The following STX18 variants were observed in gnomAD, a reference collection of about 807,000 sequenced individuals.
STX18 encodes the protein syntaxin-18.
In STX18, 40 loss-of-function variants were observed where a neutral mutation model predicts 50.1. The ratio of observed to expected loss-of-function variants is 0.80; its 90% CI spans 0.62 to 1.04. STX18 has a LOEUF of 1.04. Among genes scored for constraint, STX18 ranks in the 50% least tolerant of loss-of-function variants. The pLI, the probability that STX18 is intolerant of heterozygous loss-of-function variation, is 0.00. For missense variants in STX18, 410 were observed against 415.8 expected (o/e 0.99, Z 0.12); for synonymous variants, 158 against 151.8 (o/e 1.04, Z -0.30).
intron 1 of STX18, among the ~76,000 whole-genome samples, chr4:4,530,331 T>C (rs1217726307): frequency 6.6e-6 from 1 of 151,682 alleles, no homozygotes; most frequent in African/African-American, 2.4e-5. Flanking sequence ...TTAATTGTAA[T>C]TGGTTTGGGT....
chr4:4,452,608 G>A (rs1726817090), intron 5 of STX18, among the ~76,000 whole-genome samples: 1 of 152,182 alleles, frequency 6.6e-6, no homozygotes, highest in African/African-American at 2.4e-5. Flanking sequence ...AAGGTGGGAG[G>A]ACTGCTTGAG....
In STX18 at chr4:4,501,368, T is replaced by C. The variant is rs73796032; in HGVS notation, c.169-29662A>G. ...GCAGGCAGGCCACACTCCAGGACCA[T>C]TGCTGCCACCTCTCTCTCACTGTCG... On this transcript the variant is annotated intron_variant, in intron 1 of 10. Transcript: ENST00000306200. 9.5e-3 allele frequency among the ~76,000 whole-genome samples: 1,440 copies of C among 152,308 alleles called. 17 individuals carry two copies. The highest frequency in any genetic ancestry group is 0.033 in the African/African-American group (1,372 of 41,554).
chr4:4,448,607 G>T, intron 5 of STX18, among the ~76,000 whole-genome samples: 1 of 152,180 alleles, frequency 6.6e-6, no homozygotes, highest in East Asian at 1.9e-4. Flanking sequence ...CTCCCAAAGT[G>T]CTGGGATTAC....
intron 3 of STX18, among the ~76,000 whole-genome samples, chr4:4,458,999 A>C (rs1370177711): frequency 6.6e-6 from 1 of 152,146 alleles, no homozygotes; most frequent in South Asian, 2.1e-4. Flanking sequence ...ACAGAGGCAC[A>C]CATGTGCATA....
intron 1 of STX18, among the ~76,000 whole-genome samples, chr4:4,477,584 G>A (rs1372192837): frequency 6.6e-6 from 1 of 152,188 alleles, no homozygotes; most frequent in Non-Finnish European, 1.5e-5. Context: ...CCCCATGGAT[G>A]AGAAAACCGA....
intron 1 of STX18, among the ~76,000 whole-genome samples, chr4:4,527,951 T>C (rs1397016953): frequency 1.3e-5 from 2 of 151,920 alleles, no homozygotes; most frequent in East Asian, 3.9e-4. Flanking sequence ...AGACATCCCT[T>C]AGCCACTGTC....
chr4:4,478,635 G>T (rs538695068), intron 1 of STX18: 1 of 152,424 alleles, frequency 6.6e-6, no homozygotes, highest in African/African-American at 2.4e-5. Context: ...TGGCCAAGGT[G>T]CCTGGGTTCT....
chr4:4,508,963 T>C (rs970118511), intron 1 of STX18, among the ~76,000 whole-genome samples: 3 of 152,244 alleles, frequency 2.0e-5, no homozygotes, highest in African/African-American at 7.2e-5. Context: ...CAGTCTATCA[T>C]TGATGGGCAT....
intron 5 of STX18, among the ~76,000 whole-genome samples, chr4:4,454,297 A>C (rs1373545728): frequency 1.3e-5 from 2 of 152,248 alleles, no homozygotes; most frequent in African/African-American, 4.8e-5. Flanking sequence ...GGCACAGGGC[A>C]GCTAACTATG....
intron 1 of STX18, among the ~76,000 whole-genome samples, chr4:4,510,282 C>G (rs1729935903): frequency 6.6e-6 from 1 of 152,098 alleles, no homozygotes; most frequent in East Asian, 1.9e-4. Context: ...CAGATCATCC[C>G]CAGTCATAGT....
intron 5 of STX18, among the ~76,000 whole-genome samples, chr4:4,448,860 A>T (rs1438188137): frequency 6.6e-6 from 1 of 151,988 alleles, no homozygotes; most frequent in Non-Finnish European, 1.5e-5. Context: ...TTCCAACCCA[A>T]CACCACAGGG....
chr4:4,497,549 G>A (rs1729236228), intron 1 of STX18, among the ~76,000 whole-genome samples: 1 of 152,066 alleles, frequency 6.6e-6, no homozygotes, highest in African/African-American at 2.4e-5. Context: ...TCTCATTAAT[G>A]ACCTAATAAG....
intron 9 of STX18, 122 bp from the exon 10 acceptor site, chr4:4,421,066 A>G: frequency 1.0e-6 from 1 of 954,360 alleles, no homozygotes; most frequent in Non-Finnish European, 1.6e-6. Flanking sequence ...CAGATTTTGG[A>G]GCACTTAGGA....
At chr4:4,425,048 G>A in intron 8 of STX18, 116 bp downstream of exon 8, 1 of 911,748 alleles carries the variant, frequency 1.1e-6, no homozygotes, top group Non-Finnish European at 1.8e-6. Flanking sequence ...GCTGAGGGGG[G>A]CTGCACCAGC....
intron 1 of STX18, among the ~76,000 whole-genome samples, chr4:4,502,205 T>C (rs942294625): frequency 2.6e-5 from 4 of 152,234 alleles, no homozygotes; most frequent in Non-Finnish European, 2.9e-5. Flanking sequence ...GACAGCACTT[T>C]TTTTTAATTT....
At chr4:4,497,206 T>A (rs1447094079) in intron 1 of STX18, among the ~76,000 whole-genome samples, 1 of 152,218 alleles carries the variant, frequency 6.6e-6, no homozygotes. Flanking sequence ...CTCCTTGGTA[T>A]GGGGTCAGGA....
chr4:4,513,110 C>T (rs577806423), intron 1 of STX18, among the ~76,000 whole-genome samples: 67 of 152,270 alleles, frequency 4.4e-4, no homozygotes, highest in African/African-American at 1.6e-3. Flanking sequence ...AATTTTAAGA[C>T]TTCCCAGAGA....
chr4:4,442,719 G>C (rs1726185117), intron 5 of STX18, among the ~76,000 whole-genome samples: 1 of 150,956 alleles, frequency 6.6e-6, no homozygotes, highest in African/African-American at 2.4e-5. Context: ...GGGGAGGACA[G>C]TGAAAGAGGT....
At chr4:4,520,915 G>A (rs191450188) in intron 1 of STX18, among the ~76,000 whole-genome samples, 2 of 152,234 alleles carry the variant, frequency 1.3e-5, no homozygotes, top group Admixed American at 6.5e-5. Context: ...ATGATCTTTA[G>A]TATCTAAAAA....
Sources: allele counts gnomAD v4.1 joint callset (sites outside exome capture counted in the v4.1 genomes callset), GRCh38; gene constraint gnomAD v4.1.1; transcripts MANE v1.5; gene names NCBI Gene and HGNC (gene_info 2026-07-23, HGNC 2026-07-21).